C21orf91: variants seen among roughly 807,000 people sequenced by gnomAD.
C21orf91 encodes protein EURL homolog.
A neutral mutation model predicts 32.9 loss-of-function variants in C21orf91; 26 were observed. The ratio of observed to expected loss-of-function variants is 0.79; its 90% CI spans 0.58 to 1.10. The LOEUF (loss-of-function observed/expected upper bound fraction) is 1.10. Among genes scored for constraint, C21orf91 ranks in the 50% least tolerant of loss-of-function variants. The probability of loss-of-function intolerance (pLI) is 0.00; values close to 1 mark genes in which losing one functional copy is unlikely to be tolerated. For synonymous variants in C21orf91, 126 were observed against 120.4 expected, an observed-to-expected ratio of 1.05 and a Z score of -0.31; for missense variants, 310 against 341.3, an observed-to-expected ratio of 0.91 and a Z score of 0.72.
chr21:17,806,330 G>A (rs908785772), intron 2 of C21orf91, among the ~76,000 whole-genome samples: 1 of 152,210 alleles, frequency 6.6e-6, no homozygotes, highest in Non-Finnish European at 1.5e-5. Flanking sequence ...AGAAATAAGA[G>A]ACCCTAAATG....
At chr21:17,807,367 G>C (rs917438498) in intron 2 of C21orf91, among the ~76,000 whole-genome samples, 1 of 152,122 alleles carries the variant, frequency 6.6e-6, no homozygotes, top group Non-Finnish European at 1.5e-5. Context: ...AGTTTTCTGA[G>C]GCCTCCCCAG....
chr21:17,791,682 G>T lies in C21orf91; in HGVS notation c.*1733C>A, dbSNP rs1014336344. Reference sequence around the variant, plus strand: ...ATCAGGAAATGTATTTACCCAGCTTGTAAGTTTGAATATTTTGATATTGCA... The same window carrying T: ...ATCAGGAAATGTATTTACCCAGCTTTTAAGTTTGAATATTTTGATATTGCA... On this transcript the variant is annotated 3_prime_UTR_variant, in exon 5 of 5. Transcript: ENST00000284881. 2.6e-5 allele frequency: 4 copies of T among 152,130 alleles called. No homozygotes were observed. Among genetic ancestry groups the T allele is most frequent in the Non-Finnish European group, 4.4e-5 (3 of 67,978 alleles). 9.4% of individuals were successfully genotyped at this position (152,130 alleles called of 1,614,324 possible).
rs1402292982 is a variant in C21orf91 at position 17,792,619 on chromosome 21, A to T, written c.*796T>A. On this transcript the variant is annotated 3_prime_UTR_variant, in exon 5 of 5. Transcript: ENST00000284881. ...CTGGTGTGAAGCTAATAATGAAAGA[A>T]GCAAGAGGAGGCTTTCATTTCTATG... 1 of 152,202 alleles carries T rather than the reference A, an allele frequency of 6.6e-6. No individual in the cohort carries two copies. The allele number at this position is 152,202 out of a possible 1,614,324, so 9.4% of individuals were successfully genotyped here. A position where few individuals can be genotyped will look rare whatever the true frequency, so the allele number is the denominator to read the frequency against.
At chr21:17,809,311 TTAAAG>T (rs1461061324) in intron 2 of C21orf91, among the ~76,000 whole-genome samples, 2 of 152,194 alleles carry the variant, frequency 1.3e-5, no homozygotes, top group Non-Finnish European at 2.9e-5. Context: ...TATAAAAACT[TTAAAG>T]TATTTTCTAC....
At chr21:17,795,538 G>C (rs1380059713) in intron 3 of C21orf91, among the ~76,000 whole-genome samples, 1 of 152,154 alleles carries the variant, frequency 6.6e-6, no homozygotes. Context: ...GCAGTGGTGC[G>C]ATCAATGGCT....
chr21:17,796,024 GTA>G (rs1314111290), intron 3 of C21orf91, among the ~76,000 whole-genome samples: 4 of 152,188 alleles, frequency 2.6e-5, no homozygotes, highest in Non-Finnish European at 5.9e-5. Context: ...TCAAGAAGTT[GTA>G]TAACAAGATA....
intron 2 of C21orf91, among the ~76,000 whole-genome samples, chr21:17,805,840 T>A (rs1047535162): frequency 2.2e-4 from 33 of 152,284 alleles, no homozygotes; most frequent in Non-Finnish European, 1.5e-4. Flanking sequence ...TCTAAAAAAA[T>A]TTTTCTGCAT....
At position 17,789,631 on chromosome 21, in the gene C21orf91, T is replaced by C. The variant is rs1311373920; in HGVS notation, c.*3784A>G. 1 of 152,162 alleles carries C rather than the reference T, an allele frequency of 6.6e-6. No homozygotes were observed. The highest frequency in any genetic ancestry group is 2.1e-4 in the South Asian group (1 of 4,830). 9.4% of individuals were successfully genotyped at this position (152,162 alleles called of 1,614,324 possible). A position where few individuals can be genotyped will look rare whatever the true frequency, so the allele number is the denominator to read the frequency against. ...GATGTTTTGGAGACTTGATATAATA[T>C]GGTTCATATCAATGTTACCATAGCC... is the stretch of plus-strand genomic sequence containing the variant. On this transcript the variant is annotated 3_prime_UTR_variant, in exon 5 of 5. Coordinates refer to ENST00000284881, the MANE Select transcript of C21orf91 (RefSeq NM_001100420.2).
Position 17,796,616 on chromosome 21 carries a change from G to C in C21orf91, c.630C>G (p.Val210=). 5 of 1,613,886 alleles carry C rather than the reference G, an allele frequency of 3.1e-6. No individual in the cohort carries two copies. The highest frequency in any genetic ancestry group is 1.7e-4 in the Middle Eastern group (1 of 6,058). Residue 210 remains valine (V), a synonymous_variant, in exon 3 of 5, where the codon GTC becomes GTG. Transcript: ENST00000284881. ...EETISSPEAN[V]QTQHPHYSRE... ...TGCTGTAATGTGGATGCTGGGTCTG[G>C]ACATTAGCCTCTGGACTAGAGATTG...
intron 2 of C21orf91, among the ~76,000 whole-genome samples, chr21:17,801,851 A>G (rs1293786615): frequency 1.3e-5 from 2 of 152,144 alleles, no homozygotes; most frequent in African/African-American, 4.8e-5. Context: ...TAAAAAAAAA[A>G]AAGGGTTTCT....
At chr21:17,798,752 G>A (rs1426679654) in intron 2 of C21orf91, among the ~76,000 whole-genome samples, 2 of 152,106 alleles carry the variant, frequency 1.3e-5, no homozygotes, top group Non-Finnish European at 2.9e-5. Context: ...GACATAAAAA[G>A]GAAGCTCACG....
At chr21:17,806,445 A>T (rs755656363) in intron 2 of C21orf91, among the ~76,000 whole-genome samples, 1 of 152,210 alleles carries the variant, frequency 6.6e-6, no homozygotes. Flanking sequence ...TATGCTAATC[A>T]TTCTTTTGGC....
At chr21:17,810,287 TTA>T (rs915818745) in intron 2 of C21orf91, among the ~76,000 whole-genome samples, 1 of 152,214 alleles carries the variant, frequency 6.6e-6, no homozygotes, top group East Asian at 1.9e-4. Flanking sequence ...ACAAATATAA[TTA>T]TAGTTTTTAA....
intron 2 of C21orf91, among the ~76,000 whole-genome samples, chr21:17,802,876 T>A (rs1302378173): frequency 1.3e-5 from 2 of 152,240 alleles, no homozygotes; most frequent in Non-Finnish European, 2.9e-5. Context: ...GGATTACATA[T>A]TCCATTTCCC....
At chr21:17,815,513 A>G (rs1267628654) in intron 2 of C21orf91, among the ~76,000 whole-genome samples, 1 of 152,228 alleles carries the variant, frequency 6.6e-6, no homozygotes, top group Non-Finnish European at 1.5e-5. Context: ...TAAAAGATTT[A>G]CCGACAACAA....
At chr21:17,811,761 G>T (rs1323222825) in intron 2 of C21orf91, among the ~76,000 whole-genome samples, 1 of 152,098 alleles carries the variant, frequency 6.6e-6, no homozygotes, top group African/African-American at 2.4e-5. Flanking sequence ...CTCTGAAACA[G>T]AAAGTCATTT....
chr21:17,816,547 C>G (rs2062665901), intron 2 of C21orf91, among the ~76,000 whole-genome samples: 1 of 152,186 alleles, frequency 6.6e-6, no homozygotes, highest in Admixed American at 6.5e-5. Context: ...ATCACATATA[C>G]TAGAACCAGA....
In C21orf91 at chr21:17,789,513, C is replaced by T. The variant is rs966295825; in HGVS notation, c.*3902G>A. The stretch of plus-strand genomic sequence containing the variant: ...ATGAATTTTTGTTTACTTTGGTAAA[C>T]TTAAAATTGTGAAATAATTAAATAT... On this transcript the variant is annotated 3_prime_UTR_variant, in exon 5 of 5. Coordinates refer to ENST00000284881, the MANE Select transcript of C21orf91 (RefSeq NM_001100420.2). 6.6e-6 allele frequency: 1 copy of T among 151,974 alleles called. No individual in the cohort carries two copies. The highest frequency in any genetic ancestry group is 1.5e-5 in the Non-Finnish European group (1 of 67,972). 9.4% of individuals were successfully genotyped at this position (151,974 alleles called of 1,614,324 possible). A position where few individuals can be genotyped will look rare whatever the true frequency, so the allele number is the denominator to read the frequency against.
chr21:17,798,383 C>T (rs1451763881), intron 2 of C21orf91, among the ~76,000 whole-genome samples: 1 of 152,124 alleles, frequency 6.6e-6, no homozygotes, highest in Non-Finnish European at 1.5e-5. Flanking sequence ...CTTGATGAGA[C>T]TGTCAAAACC....
Sources: gnomAD v4.1 joint callset for allele counts (sites outside exome capture counted in the v4.1 genomes callset) on GRCh38, gnomAD v4.1.1 for gene constraint, MANE v1.5 for transcripts, NCBI Gene and HGNC (gene_info 2026-07-23, HGNC 2026-07-21) for gene names.